Variants in VPS13D observed in about 807,000 individuals in gnomAD.
VPS13D encodes the protein intermembrane lipid transfer protein VPS13D.
In VPS13D, 187 loss-of-function variants were observed where a neutral mutation model predicts 461.9. The ratio of observed to expected loss-of-function variants is 0.40; its 90% CI spans 0.36 to 0.46. The LOEUF (loss-of-function observed/expected upper bound fraction) is 0.46, where lower values mean the gene tolerates loss of function less well. VPS13D is among the 20% of genes least tolerant of loss of function. The pLI, the probability that VPS13D is intolerant of heterozygous loss-of-function variation, is 0.60. For synonymous variants in VPS13D, 1,951 were observed against 1,986.3 expected, an observed-to-expected ratio of 0.98 and a Z score of 0.47; for missense variants, 4,711 against 5,364.9, an observed-to-expected ratio of 0.88 and a Z score of 3.81.
In VPS13D at chr1:12,355,908, T is replaced by TG; in HGVS notation, c.9691dup (p.Glu3231GlyfsTer7). On this transcript the variant is annotated frameshift_variant, in exon 48 of 70. Transcript: ENST00000620676. LOFTEE classifies it high-confidence loss of function. ...TTTGTATCTTCTTTAGGGGTATCAC[T>TG]GGAGAATTTCCCCCTCTGTAAAGAA... 6.3e-7 allele frequency: 1 copy of TG among 1,585,328 alleles called. No homozygotes were observed. The highest frequency in any genetic ancestry group is 8.6e-7 in the Non-Finnish European group (1 of 1,160,992).
chr1:12,326,321 A>ATTTTTTTTTTTT (rs763042688), intron 35 of VPS13D, among the ~76,000 whole-genome samples: 17 of 49,278 alleles, frequency 3.4e-4, no homozygotes, highest in Admixed American at 4.8e-4. Context: ...AACCTTTTGG[A>ATTTTTTTTTTTT]TTTTTTTTTT....
intron 60 of VPS13D, among the ~76,000 whole-genome samples, chr1:12,398,363 CTT>C (rs1259287834): frequency 9.2e-5 from 13 of 141,268 alleles, no homozygotes; most frequent in Non-Finnish European, 7.8e-5. Flanking sequence ...ACTTTTTTTT[CTT>C]TTTTTTTTTT....
chr1:12,363,001 G>A (rs1484428217), intron 51 of VPS13D, 71 bp from the exon 52 acceptor site: 2 of 1,591,484 alleles, frequency 1.3e-6, no homozygotes, highest in African/African-American at 2.7e-5. Context: ...AAGGCTCAGA[G>A]TAGGTACTCA....
At chr1:12,328,069 CTT>C (rs1373268106) in intron 36 of VPS13D, among the ~76,000 whole-genome samples, 1 of 152,148 alleles carries the variant, frequency 6.6e-6, no homozygotes, top group Non-Finnish European at 1.5e-5. Context: ...TAGGAATGGT[CTT>C]TGATAAAATT....
rs141555481 is a variant in VPS13D at position 12,462,833 on chromosome 1, G to A, written c.12662+2437G>A. Reference sequence around the variant, plus strand: ...CTGTTTCCTCTGGCCTGCCACCTTAGCCTTATCTGGACCTCAGCAGCAGAG... The same window carrying A: ...CTGTTTCCTCTGGCCTGCCACCTTAACCTTATCTGGACCTCAGCAGCAGAG... On this transcript the variant is annotated intron_variant, in intron 67 of 69. Coordinates refer to ENST00000620676, the MANE Select transcript of VPS13D (RefSeq NM_015378.4). Among the ~76,000 whole-genome samples the A allele has an allele frequency of 3.3e-5, 5 of 152,256 alleles. No individual in the cohort carries two copies. The East Asian group carries it at 9.6e-4, about 29-fold the overall frequency.
chr1:12,373,259 T>C (rs1644150384), intron 54 of VPS13D, among the ~76,000 whole-genome samples: 1 of 151,790 alleles, frequency 6.6e-6, no homozygotes, highest in Non-Finnish European at 1.5e-5. Flanking sequence ...TAACTGGGAT[T>C]ACAGGGGCCT....
intron 68 of VPS13D, among the ~76,000 whole-genome samples, chr1:12,504,020 C>G (rs1646070851): frequency 6.6e-6 from 1 of 152,140 alleles, no homozygotes; most frequent in South Asian, 2.1e-4. Flanking sequence ...TGCCAGGCTT[C>G]TCTTACCACC....
In VPS13D at chr1:12,385,294, C is replaced by G; in HGVS notation, c.11405C>G (p.Ser3802Ter). 6.2e-7 allele frequency: 1 copy of G among 1,613,912 alleles called. No homozygotes were observed. Among genetic ancestry groups the G allele is most frequent in the Non-Finnish European group, 8.5e-7 (1 of 1,179,876 alleles). The change falls in exon 59 of 70, where the codon TCA becomes TGA. Residue 3802 changes from serine (S) to a stop codon, truncating the protein, a stop_gained. Coordinates refer to ENST00000620676, the MANE Select transcript of VPS13D (RefSeq NM_015378.4). LOFTEE classifies it high-confidence loss of function. Reference protein sequence around the residue: ...TDFCHRKSSRSYEVDELPVTE... With the variant: ...TDFCHRKSSR Reference sequence around the variant, plus strand: ...TTCTGCCACCGGAAAAGCAGCCGTTCATATGAAGTGGATGAACTTCCTGTC... The same window carrying G: ...TTCTGCCACCGGAAAAGCAGCCGTTGATATGAAGTGGATGAACTTCCTGTC...
chr1:12,389,030 A>G (rs1008828592), intron 60 of VPS13D, among the ~76,000 whole-genome samples: 4 of 152,216 alleles, frequency 2.6e-5, no homozygotes, highest in Admixed American at 6.5e-5. Flanking sequence ...AGTTCCCACA[A>G]TAGGCTGTCT....
chr1:12,299,997 G>A lies in VPS13D; in HGVS notation c.6216+613G>A, dbSNP rs2101458283. Among the ~76,000 whole-genome samples, 1 of 151,370 alleles carries A rather than the reference G, an allele frequency of 6.6e-6. No homozygotes were observed. The highest frequency in any genetic ancestry group is 1.9e-4 in the East Asian group (1 of 5,158). The stretch of plus-strand genomic sequence containing the variant: ...CACCCAGATAGCATAGTACCCAATA[G>A]GTAGTTTTCCGACCCATTCCCCCCA... On this transcript the variant is annotated intron_variant, in intron 25 of 69. Transcript: ENST00000620676. This position sits in a 1 kb window ranked among gnomAD's most constrained non-coding sequence, Gnocchi z 4.2.
At chr1:12,319,111 A>G (rs1207640953) in intron 31 of VPS13D, among the ~76,000 whole-genome samples, 1 of 152,240 alleles carries the variant, frequency 6.6e-6, no homozygotes. Context: ...CCTGACCAGC[A>G]TTAGTAGCTG....
intron 34 of VPS13D, 132 bp from the exon 35 acceptor site, chr1:12,323,574 T>A: frequency 1.3e-6 from 1 of 776,464 alleles, no homozygotes; most frequent in South Asian, 1.7e-5. Context: ...CAATTAGGAG[T>A]CCAGTTTTGC....
intron 25 of VPS13D, 151 bp from the exon 26 acceptor site, chr1:12,304,355 C>A: frequency 1.5e-6 from 1 of 670,886 alleles, no homozygotes; most frequent in Non-Finnish European, 2.5e-6. Flanking sequence ...TTTATGGGAT[C>A]TGGGAGGCTG....
chr1:12,328,113 T>G (rs774861476), intron 36 of VPS13D, among the ~76,000 whole-genome samples: 34 of 152,338 alleles, frequency 2.2e-4, no homozygotes, highest in Middle Eastern at 3.4e-3. Context: ...GCTAAATAAT[T>G]CCTGATCTCT....
At chr1:12,335,609 C>T in intron 38 of VPS13D, 96 bp from the exon 39 acceptor site, 2 of 1,453,576 alleles carry the variant, frequency 1.4e-6, no homozygotes, top group Non-Finnish European at 9.3e-7. Context: ...TGTAATGAGA[C>T]ACTCAATAAA....
chr1:12,254,753 C>G (rs1040207170), intron 7 of VPS13D, among the ~76,000 whole-genome samples: 1 of 151,636 alleles, frequency 6.6e-6, no homozygotes, highest in Non-Finnish European at 1.5e-5. Context: ...GTCTCGAACT[C>G]CTGACCTCAA....
intron 67 of VPS13D, among the ~76,000 whole-genome samples, chr1:12,491,496 C>G (rs1434698289): frequency 6.6e-6 from 1 of 152,196 alleles, no homozygotes; most frequent in East Asian, 1.9e-4. Flanking sequence ...AAGGCAAGAT[C>G]AACCAAGTGG....
intron 10 of VPS13D, among the ~76,000 whole-genome samples, chr1:12,259,219 A>G (rs976968645): frequency 1.3e-5 from 2 of 151,438 alleles, no homozygotes; most frequent in African/African-American, 4.9e-5. Context: ...TTTAATTTTT[A>G]TGGAGATGAG....
At position 12,467,647 on chromosome 1, in the gene VPS13D, A is replaced by G. The variant is rs190492309; in HGVS notation, c.12662+7251A>G. Among the ~76,000 whole-genome samples the G allele has an allele frequency of 2.6e-5, 4 of 152,330 alleles. No individual in the cohort carries two copies. The East Asian group carries it at 7.7e-4, about 29-fold the overall frequency. On this transcript the variant is annotated intron_variant, in intron 67 of 69. Coordinates refer to ENST00000620676, the MANE Select transcript of VPS13D (RefSeq NM_015378.4). ...AAAGGCCCCAGACGATGCCATTCTC[A>G]TTATAACATAACTTATGGAAAGCTC...
Sources: allele counts gnomAD v4.1 joint callset (sites outside exome capture counted in the v4.1 genomes callset), GRCh38; gene constraint gnomAD v4.1.1; non-coding constraint Gnocchi (gnomAD v3.1); transcripts MANE v1.5; gene names NCBI Gene and HGNC (gene_info 2026-07-23, HGNC 2026-07-21).